Variants in DCC observed in about 807,000 individuals in gnomAD.
The protein encoded by DCC is DCC netrin 1 receptor.
Under a neutral mutation model 172.5 loss-of-function variants are expected in DCC, and 58 were observed. The ratio of observed to expected loss-of-function variants is 0.34; its 90% CI spans 0.27 to 0.42. The LOEUF is 0.42. Among genes scored for constraint, DCC ranks in the 10% least tolerant of loss-of-function variants. DCC has a pLI of 1.00. For synonymous variants in DCC, 709 were observed against 644.5 expected (o/e 1.10, Z -1.52); for missense variants, 1,740 against 1,791.0 (o/e 0.97, Z 0.51).
intron 27 of DCC, among the ~76,000 whole-genome samples, chr18:53,515,038 C>T (rs1256492854): frequency 6.6e-6 from 1 of 151,102 alleles, no homozygotes; most frequent in Admixed American, 6.6e-5. Context: ...AACATTGATG[C>T]AAAAATCCTC....
At chr18:52,645,552 AG>A (rs1402023344) in intron 1 of DCC, among the ~76,000 whole-genome samples, 5 of 152,214 alleles carry the variant, frequency 3.3e-5, no homozygotes, top group Admixed American at 3.3e-4. Context: ...TTGGAGTAAA[AG>A]CTTGTCCTCA....
chr18:53,327,838 T>C (rs1448538111), intron 14 of DCC, among the ~76,000 whole-genome samples: 1 of 152,194 alleles, frequency 6.6e-6, no homozygotes, highest in Non-Finnish European at 1.5e-5. Context: ...TGTCATAGAA[T>C]AGATTTTCTT....
Position 52,497,272 on chromosome 18 carries a change from AAAAAAAAAATAT to A in DCC, c.91+156396_91+156407del, listed in dbSNP as rs1395384761. 6.6e-5 allele frequency among the ~76,000 whole-genome samples: 6 copies of A among 91,104 alleles called. 1 individual carries two copies. Among genetic ancestry groups the A allele is most frequent in the Admixed American group, 4.1e-4 (3 of 7,386 alleles). 59.8% of individuals were successfully genotyped at this position (91,104 alleles called of 152,430 possible). A position where few individuals can be genotyped will look rare whatever the true frequency, so the allele number is the denominator to read the frequency against. ...TGAGACCCTGTATCAAAAAAAAAAA[AAAAAAAAAATAT>A]ATATATATATATATATATATATATA... On this transcript the variant is annotated intron_variant, in intron 1 of 28. Coordinates refer to ENST00000442544, the MANE Select transcript of DCC (RefSeq NM_005215.4).
chr18:52,946,783 CAT>C (rs1598958575), intron 5 of DCC, among the ~76,000 whole-genome samples: 1 of 152,250 alleles, frequency 6.6e-6, no homozygotes, highest in East Asian at 1.9e-4. Context: ...TTAATGCAGA[CAT>C]ATGAAGAATT....
chr18:53,158,863 C>T (rs941261999), intron 8 of DCC, among the ~76,000 whole-genome samples: 6 of 151,582 alleles, frequency 4.0e-5, no homozygotes, highest in East Asian at 2.0e-4. Flanking sequence ...CATGGTGGCG[C>T]GCACCTGTCA....
At position 53,391,815 on chromosome 18, in the gene DCC, C is replaced by T. The variant is rs1908569757; in HGVS notation, c.2616C>T (p.Asn872=). The T allele has an allele frequency of 9.3e-6, 15 of 1,614,010 alleles. No homozygotes were observed. The highest frequency in any genetic ancestry group is 1.1e-5 in the Non-Finnish European group (13 of 1,179,932). Residue 872 remains asparagine (N), a synonymous_variant, in exon 17 of 29, where the codon AAC becomes AAT. Coordinates refer to ENST00000442544, the MANE Select transcript of DCC (RefSeq NM_005215.4). ...GGGCAGACAACTCTGTCCCTAAGAA[C>T]CAAAAGACGTCTGAGGTGCGACTTT... is the stretch of plus-strand genomic sequence containing the variant. ...VSWADNSVPK[N]QKTSEVRLYT...
In DCC at chr18:53,386,239, C is replaced by T. The variant is rs1329567763; in HGVS notation, c.2455+101C>T. ...ACAAAGAAACAAAAATGAATATATCCTATCATTATCCTCTGATAATCCTCA... is the reference window on the plus strand; with the variant it reads ...ACAAAGAAACAAAAATGAATATATCTTATCATTATCCTCTGATAATCCTCA... On this transcript the variant is annotated intron_variant, in intron 16 of 28. Transcript: ENST00000442544. 8 of 764,342 alleles carry T rather than the reference C, an allele frequency of 1.0e-5. No individual in the cohort carries two copies. The Admixed American group carries it at 1.6e-4, about 15-fold the overall frequency. 47.3% of individuals were successfully genotyped at this position (764,342 alleles called of 1,614,324 possible).
At chr18:52,835,993 C>A (rs1446825152) in intron 2 of DCC, among the ~76,000 whole-genome samples, 1 of 152,224 alleles carries the variant, frequency 6.6e-6, no homozygotes, top group East Asian at 1.9e-4. Flanking sequence ...ACAAGGGAGG[C>A]CTCAGGAAAC....
At chr18:52,963,985 C>T (rs890581247) in intron 5 of DCC, among the ~76,000 whole-genome samples, 1 of 152,068 alleles carries the variant, frequency 6.6e-6, no homozygotes, top group South Asian at 2.1e-4. Context: ...AATTCCTAAC[C>T]TCAAAACATG....
intron 1 of DCC, among the ~76,000 whole-genome samples, chr18:52,357,618 CT>C (rs953598453): frequency 1.3e-5 from 2 of 152,138 alleles, no homozygotes; most frequent in Admixed American, 1.3e-4. Context: ...AACCCATATC[CT>C]TTTGAGTGTG....
intron 7 of DCC, among the ~76,000 whole-genome samples, chr18:53,119,501 G>A (rs375986060): frequency 4.0e-5 from 6 of 151,886 alleles, no homozygotes; most frequent in African/African-American, 1.2e-4. Flanking sequence ...GGCCACTCTT[G>A]TAGAAATTAG....
At chr18:53,271,404 G>A (rs915904239) in intron 12 of DCC, among the ~76,000 whole-genome samples, 1 of 152,170 alleles carries the variant, frequency 6.6e-6, no homozygotes, top group South Asian at 2.1e-4. Context: ...CTGGAATCCA[G>A]GTATGATTCA....
intron 12 of DCC, among the ~76,000 whole-genome samples, chr18:53,235,739 T>A (rs2056192444): frequency 6.6e-6 from 1 of 152,118 alleles, no homozygotes; most frequent in Non-Finnish European, 1.5e-5. Flanking sequence ...TTTCATCATC[T>A]CAAACAGAAA....
intron 12 of DCC, among the ~76,000 whole-genome samples, chr18:53,304,485 G>A (rs1445291092): frequency 6.6e-6 from 1 of 152,056 alleles, no homozygotes. Flanking sequence ...AGAAGACATG[G>A]GTAGCTCATA....
At chr18:53,382,290 A>T (rs1022919879) in intron 15 of DCC, among the ~76,000 whole-genome samples, 1 of 152,144 alleles carries the variant, frequency 6.6e-6, no homozygotes, top group African/African-American at 2.4e-5. Context: ...TAGATGATTC[A>T]TATATTTGAA....
chr18:53,198,379 A>G (rs1052348372), intron 9 of DCC, among the ~76,000 whole-genome samples: 3 of 151,980 alleles, frequency 2.0e-5, no homozygotes, highest in Non-Finnish European at 2.9e-5. Context: ...GGGATAAAAA[A>G]CCACACATCC....
intron 2 of DCC, among the ~76,000 whole-genome samples, chr18:52,838,159 C>A (rs1285042959): frequency 6.8e-6 from 1 of 146,948 alleles, no homozygotes; most frequent in Non-Finnish European, 1.5e-5. Flanking sequence ...TTAAATTGTT[C>A]ATCTACAATT....
At chr18:53,360,230 T>TAAG (rs1446216231) in intron 15 of DCC, among the ~76,000 whole-genome samples, 2 of 152,134 alleles carry the variant, frequency 1.3e-5, no homozygotes, top group African/African-American at 2.4e-5. Context: ...ATATCTTATA[T>TAAG]ATACTAGTCA....
intron 5 of DCC, among the ~76,000 whole-genome samples, chr18:52,948,960 G>T (rs756428831): frequency 1.3e-5 from 2 of 152,168 alleles, no homozygotes; most frequent in Non-Finnish European, 2.9e-5. Flanking sequence ...TGTCATGCTT[G>T]TAACCCTTAT....
Sources: gnomAD v4.1 joint callset for allele counts (sites outside exome capture counted in the v4.1 genomes callset) on GRCh38, gnomAD v4.1.1 for gene constraint, MANE v1.5 for transcripts, NCBI Gene and HGNC (gene_info 2026-07-23, HGNC 2026-07-21) for gene names.